LINGO2: variants seen among roughly 807,000 people sequenced by gnomAD.
LINGO2 encodes leucine-rich repeat and immunoglobulin-like domain-containing nogo receptor-interacting protein 2.
A neutral mutation model predicts 30.6 loss-of-function variants in LINGO2; 14 were observed. The observed-to-expected ratio is 0.46, with a 90% confidence interval of 0.30 to 0.72. The LOEUF (loss-of-function observed/expected upper bound fraction) is 0.72, where lower values mean the gene tolerates loss of function less well. Ranked by LOEUF, LINGO2 falls within the 30% of genes least tolerant of loss-of-function variation. The pLI is 0.07. For synonymous variants in LINGO2, 317 were observed against 288.5 expected (o/e 1.10, Z -1.00); for missense variants, 729 against 751.7 (o/e 0.97, Z 0.35).
At chr9:28,415,806 A>G (rs1188594541) in intron 2 of LINGO2, among the ~76,000 whole-genome samples, 3 of 152,190 alleles carry the variant, frequency 2.0e-5, no homozygotes, top group African/African-American at 7.2e-5. Context: ...TTTACAAGCA[A>G]TTATTATATA....
At chr9:28,140,660 C>T (rs1827646208) in intron 4 of LINGO2, among the ~76,000 whole-genome samples, 1 of 152,168 alleles carries the variant, frequency 6.6e-6, no homozygotes, top group Non-Finnish European at 1.5e-5. Context: ...TCTCTTTAAA[C>T]CCATAGATGG....
At chr9:28,927,446 T>A in the LINGO2 span, among the ~76,000 whole-genome samples, 1 of 152,152 alleles carries the variant, frequency 6.6e-6, no homozygotes, top group South Asian at 2.1e-4. Flanking sequence ...ACTCCTTAGA[T>A]GAAGAGCTAA....
chr9:29,058,598 C>A, the LINGO2 span, among the ~76,000 whole-genome samples: 1 of 151,658 alleles, frequency 6.6e-6, no homozygotes, highest in African/African-American at 2.4e-5. Flanking sequence ...CCCACAGATT[C>A]AAGAAGCTCA....
chr9:28,320,719 A>G (rs1205955655), intron 3 of LINGO2, among the ~76,000 whole-genome samples: 4 of 152,128 alleles, frequency 2.6e-5, no homozygotes, highest in African/African-American at 7.2e-5. Context: ...ATTACCTTCA[A>G]AAGATTTCTT....
rs140363350 is a variant in LINGO2, at chr9:27,950,524, C to A, written c.148G>T (p.Ala50Ser). Reference sequence around the variant, plus strand: ...TCGATGGGAATGCCCTCTGGGATGGCGATCAATCGCCTTCTGTGACAGCTA... The same window carrying A: ...TCGATGGGAATGCCCTCTGGGATGGAGATCAATCGCCTTCTGTGACAGCTA... Residue 50 changes from alanine (A) to serine (S), a missense_variant, in exon 6 of 6, where the codon GCC becomes TCC. Transcript: ENST00000379992. 5 of 1,575,916 alleles carry A rather than the reference C, an allele frequency of 3.2e-6. No individual in the cohort carries two copies. In the South Asian group the frequency reaches 5.9e-5, roughly 19 times the overall value.
the LINGO2 span, among the ~76,000 whole-genome samples, chr9:29,022,863 C>T: frequency 4.6e-5 from 7 of 151,958 alleles, no homozygotes; most frequent in East Asian, 1.4e-3. Flanking sequence ...GCTAACTGTG[C>T]TAGGTTCTCC....
chr9:28,939,243 A>C, the LINGO2 span, among the ~76,000 whole-genome samples: 1 of 151,898 alleles, frequency 6.6e-6, no homozygotes, highest in African/African-American at 2.4e-5. Context: ...GAGAACAGCC[A>C]CTCCTCCTCT....
chr9:28,617,496 C>T (rs996147173), intron 1 of LINGO2, among the ~76,000 whole-genome samples: 1 of 151,988 alleles, frequency 6.6e-6, no homozygotes, highest in African/African-American at 2.4e-5. Flanking sequence ...GGGGTTTCAC[C>T]GTGTTAGTCA....
At chr9:28,365,137 G>A (rs527822046) in intron 3 of LINGO2, among the ~76,000 whole-genome samples, 15 of 152,304 alleles carry the variant, frequency 9.8e-5, no homozygotes, top group South Asian at 2.1e-4. Flanking sequence ...TTACAGAGGA[G>A]GGAGAGATAT....
chr9:28,902,307 C>T, the LINGO2 span, among the ~76,000 whole-genome samples: 3 of 151,954 alleles, frequency 2.0e-5, no homozygotes, highest in Non-Finnish European at 2.9e-5. Flanking sequence ...AAAAAAGGTC[C>T]TTATTAGTGA....
At chr9:28,213,904 G>C (rs1445290477) in intron 4 of LINGO2, among the ~76,000 whole-genome samples, 1 of 151,450 alleles carries the variant, frequency 6.6e-6, no homozygotes. Flanking sequence ...AAAGTACGCA[G>C]TGTTCCCTAA....
the LINGO2 span, among the ~76,000 whole-genome samples, chr9:28,893,393 T>C: frequency 6.6e-6 from 1 of 152,026 alleles, no homozygotes; most frequent in Non-Finnish European, 1.5e-5. Flanking sequence ...GCAATTAACA[T>C]CACTCTGAGA....
At chr9:28,220,714 T>C (rs1195523467) in intron 4 of LINGO2, among the ~76,000 whole-genome samples, 1 of 152,126 alleles carries the variant, frequency 6.6e-6, no homozygotes. Context: ...TCTAGAGCTC[T>C]GATCTATCAA....
the LINGO2 span, among the ~76,000 whole-genome samples, chr9:29,198,773 A>G: frequency 6.6e-6 from 1 of 152,174 alleles, no homozygotes; most frequent in Non-Finnish European, 1.5e-5. Context: ...CTGCTGAAAG[A>G]CATTTCAAAT....
intron 2 of LINGO2, among the ~76,000 whole-genome samples, chr9:28,464,430 G>C (rs1052387417): frequency 1.3e-5 from 2 of 152,064 alleles, no homozygotes; most frequent in African/African-American, 2.4e-5. Flanking sequence ...ACCTACTAAT[G>C]GTTGTTTTCG....
At chr9:28,492,697 G>A (rs771547365) in intron 1 of LINGO2, among the ~76,000 whole-genome samples, 1 of 152,108 alleles carries the variant, frequency 6.6e-6, no homozygotes, top group Non-Finnish European at 1.5e-5. Flanking sequence ...AAACATAAAT[G>A]AGTCTCTGAA....
At position 28,232,212 on chromosome 9, in the gene LINGO2, A is replaced by G. The variant is rs185620536; in HGVS notation, c.-87+62996T>C. Among the ~76,000 whole-genome samples, 80 of 152,196 alleles carry G rather than the reference A, an allele frequency of 5.3e-4. No homozygotes were observed. In the East Asian group the frequency reaches 0.015, roughly 28 times the overall value. ...TCAGGAGTTCGAGACCAGTCTGGCCATCATGATGAAACCTTGTCTCTACTA... is the reference window on the plus strand; with the variant it reads ...TCAGGAGTTCGAGACCAGTCTGGCCGTCATGATGAAACCTTGTCTCTACTA... On this transcript the variant is annotated intron_variant, in intron 4 of 5. Coordinates refer to ENST00000379992, the Ensembl canonical transcript of LINGO2.
At chr9:28,004,729 T>G (rs1279508224) in intron 5 of LINGO2, among the ~76,000 whole-genome samples, 2 of 152,116 alleles carry the variant, frequency 1.3e-5, no homozygotes, top group Non-Finnish European at 2.9e-5. Flanking sequence ...AAAATTGGGC[T>G]GGGTTTTGAA....
chr9:28,329,294 G>T lies in LINGO2; in HGVS notation c.-245-33928C>A, dbSNP rs1399500019. 6.6e-6 allele frequency among the ~76,000 whole-genome samples: 1 copy of T among 152,052 alleles called. No homozygotes were observed. Among genetic ancestry groups the T allele is most frequent in the Non-Finnish European group, 1.5e-5 (1 of 68,014 alleles). ...ATTTCTAGTCATAATTCTGTCCCAT[G>T]GCACAAAGCAGAGCTTCTTATTTCC... On this transcript the variant is annotated intron_variant, in intron 3 of 5. Coordinates refer to ENST00000379992, the Ensembl canonical transcript of LINGO2. The surrounding 1 kb of genome is among the most constrained non-coding windows in gnomAD (Gnocchi z 4.5).
Sources: allele counts gnomAD v4.1 joint callset (sites outside exome capture counted in the v4.1 genomes callset), GRCh38; gene constraint gnomAD v4.1.1; non-coding constraint Gnocchi (gnomAD v3.1); transcripts MANE v1.5; gene names NCBI Gene and HGNC (gene_info 2026-07-23, HGNC 2026-07-21).